Variants in MRC2 observed in about 807,000 individuals in gnomAD.
MRC2 encodes mannose receptor C-type 2.
In MRC2, 84 loss-of-function variants were observed where a neutral mutation model predicts 206.2. The ratio of observed to expected loss-of-function variants is 0.41; its 90% CI spans 0.34 to 0.49. The LOEUF is 0.49. Ranked by LOEUF, MRC2 falls within the 20% of genes least tolerant of loss-of-function variation. The probability of loss-of-function intolerance (pLI) is 0.31; values close to 1 mark genes in which losing one functional copy is unlikely to be tolerated. For missense variants in MRC2, 1,676 were observed against 2,001.5 expected (o/e 0.84, Z 3.10); for synonymous variants, 798 against 800.0 (o/e 1.00, Z 0.04).
intron 20 of MRC2, among the ~76,000 whole-genome samples, chr17:62,685,390 A>G (rs2089020380): frequency 6.6e-6 from 1 of 152,124 alleles, no homozygotes; most frequent in African/African-American, 2.4e-5. Context: ...TATTTTGAGC[A>G]TCTCTCATGT....
intron 1 of MRC2, among the ~76,000 whole-genome samples, chr17:62,639,195 G>T (rs1411745600): frequency 1.3e-5 from 2 of 152,110 alleles, no homozygotes; most frequent in Non-Finnish European, 2.9e-5. Context: ...AAGTAGCTGG[G>T]CGTGGTGGCA....
intron 1 of MRC2, among the ~76,000 whole-genome samples, chr17:62,662,233 G>A (rs181447054): frequency 6.6e-6 from 1 of 150,648 alleles, no homozygotes; most frequent in Non-Finnish European, 1.5e-5. Context: ...CTGGGTGACA[G>A]AGCGGGACTC....
rs2088968902 is a variant in MRC2 at position 62,681,764 on chromosome 17, C to T, written c.2703-73C>T. The T allele has an allele frequency of 2.4e-6, 3 of 1,229,760 alleles. No individual in the cohort carries two copies. The Admixed American group carries it at 6.1e-5, about 25-fold the overall frequency. 76.2% of individuals were successfully genotyped at this position (1,229,760 alleles called of 1,614,324 possible). On this transcript the variant is annotated intron_variant, in intron 18 of 29. Transcript: ENST00000303375. ...CCTTCCCTGCCCCCATTCCTGCGGC[C>T]TTCATTGCTGCATCCGGTGGAGGCC...
intron 14 of MRC2, 41 bp downstream of exon 14, chr17:62,679,943 C>G (rs1426691779): frequency 7.5e-7 from 1 of 1,329,486 alleles, no homozygotes. Context: ...AGGCCGGGAG[C>G]TTGGTGGGCG....
Position 62,678,543 on chromosome 17 carries a change from G to A in MRC2, c.2092G>A (p.Val698Ile). 1 of 1,611,830 alleles carries A rather than the reference G, an allele frequency of 6.2e-7. No homozygotes were observed. Among genetic ancestry groups the A allele is most frequent in the East Asian group, 2.2e-5 (1 of 44,812 alleles). ...SERLQDKKSWVQAQGACQELG... is the reference protein window; with the variant it reads ...SERLQDKKSWIQAQGACQELG... ...GCGGCTGCAGGACAAGAAGAGCTGG[G>A]TCCAGGCCCAGGGGGCCTGCCAGGA... is the stretch of plus-strand genomic sequence containing the variant. The change falls in exon 13 of 30, where the codon GTC becomes ATC. Residue 698 changes from valine (V) to isoleucine (I), a missense_variant. By Grantham distance (29) the Val-to-Ile change is conservative (BLOSUM62 3). Transcript: ENST00000303375.
At chr17:62,655,945 A>G (rs2088614445) in intron 1 of MRC2, among the ~76,000 whole-genome samples, 1 of 151,188 alleles carries the variant, frequency 6.6e-6, no homozygotes, top group Non-Finnish European at 1.5e-5. Flanking sequence ...GCTGGAATGC[A>G]GTGGCGTGAT....
rs768582742 is a variant in MRC2 at position 62,688,912 on chromosome 17, C to T, written c.3286C>T (p.Arg1096Trp). 4 of 1,613,710 alleles carry T rather than the reference C, an allele frequency of 2.5e-6. No homozygotes were observed. In the Admixed American group the frequency reaches 5.0e-5, roughly 20 times the overall value. The change falls in exon 23 of 30, where the codon CGG (arginine) becomes TGG (tryptophan). Residue 1096 changes from arginine to tryptophan, a missense_variant. By Grantham distance (101) the Arg-to-Trp change is moderately radical (BLOSUM62 -3). Coordinates refer to ENST00000303375, the MANE Select transcript of MRC2 (RefSeq NM_006039.5). ...CCACTTCACTGGCCGCTGGGACGAT[C>T]GGAGCTGCACGGAGGAGACCCATGG... ...SAHFTGRWDD[R>W]SCTEETHGFI...
chr17:62,637,065 C>G (rs2088331509), intron 1 of MRC2, among the ~76,000 whole-genome samples: 2 of 151,980 alleles, frequency 1.3e-5, no homozygotes, highest in Non-Finnish European at 1.5e-5. Flanking sequence ...TGTAAACTTT[C>G]TGAATTTAGA....
Position 62,674,166 on chromosome 17 carries a change from G to A in MRC2, c.1565G>A (p.Arg522Gln), listed in dbSNP as rs201943939. 93 of 1,546,868 alleles carry A rather than the reference G, an allele frequency of 6.0e-5. No individual in the cohort carries two copies. The highest frequency in any genetic ancestry group is 9.6e-5 in the South Asian group (8 of 83,724). The change falls in exon 9 of 30, where the codon CGG becomes CAG. Residue 522 changes from arginine to glutamine, a missense_variant. Physicochemically the swap from Arg to Gln is conservative, Grantham distance 43. This residue lies in a region of MRC2 where 1,354 missense variants were observed against 1,636.6 expected (regional missense o/e 0.83). Coordinates refer to ENST00000303375, the MANE Select transcript of MRC2 (RefSeq NM_006039.5). ...GCCGCCGAGGAGGACCATGGCTGCCGGAAGGTGAGGGTGTTTCTGGAGCTG... is the reference window on the plus strand; with the variant it reads ...GCCGCCGAGGAGGACCATGGCTGCCAGAAGGTGAGGGTGTTTCTGGAGCTG... Reference protein sequence around the residue: ...QGAAEEDHGCRKGWTWHSPSC... With the variant: ...QGAAEEDHGCQKGWTWHSPSC...
chr17:62,689,292 G>A, intron 23 of MRC2: 1 of 578,310 alleles, frequency 1.7e-6, no homozygotes, highest in Non-Finnish European at 3.1e-6. Context: ...CTCTGCGCCG[G>A]GTTCCTTGGG....
intron 2 of MRC2, among the ~76,000 whole-genome samples, chr17:62,665,183 T>C (rs1039416002): frequency 2.6e-5 from 4 of 152,160 alleles, no homozygotes; most frequent in African/African-American, 9.7e-5. Flanking sequence ...GTGGATCACT[T>C]GAGGTCAGGA....
chr17:62,638,396 GA>G (rs1351864035), intron 1 of MRC2, among the ~76,000 whole-genome samples: 2 of 152,056 alleles, frequency 1.3e-5, no homozygotes, highest in Admixed American at 6.6e-5. Context: ...AATAATGTGA[GA>G]CACACCAGAA....
chr17:62,681,527 A>G (rs142249518), intron 18 of MRC2: 4,891 of 451,236 alleles, frequency 0.011, 221 homozygotes, highest in South Asian at 0.093. Context: ...TGAGGCAGGA[A>G]GGACCAGGAG....
intron 10 of MRC2, 106 bp from the exon 11 acceptor site, chr17:62,676,277 T>G: frequency 1.4e-6 from 2 of 1,408,140 alleles, no homozygotes; most frequent in Non-Finnish European, 1.9e-6. Flanking sequence ...TTGAGCAAGT[T>G]ATTGGTCGGG....
At chr17:62,682,030 C>T in intron 19 of MRC2, 93 bp downstream of exon 19, 1 of 1,225,002 alleles carries the variant, frequency 8.2e-7, no homozygotes, top group Non-Finnish European at 1.1e-6. Context: ...TGTTCTCATT[C>T]TCTTTGTTCC....
intron 28 of MRC2, among the ~76,000 whole-genome samples, 165 bp downstream of exon 28, chr17:62,691,293 G>A (rs2089108952): frequency 6.6e-6 from 1 of 152,224 alleles, no homozygotes; most frequent in Non-Finnish European, 1.5e-5. Context: ...TAGTCAGTGG[G>A]ATGGACTGGA....
chr17:62,675,700 C>A lies in MRC2; in HGVS notation c.1570-90C>A. 9.8e-7 allele frequency: 1 copy of A among 1,025,092 alleles called. No individual in the cohort carries two copies. The highest frequency in any genetic ancestry group is 1.5e-6 in the Non-Finnish European group (1 of 655,862). 63.5% of individuals were successfully genotyped at this position (1,025,092 alleles called of 1,614,324 possible). On this transcript the variant is annotated intron_variant, in intron 9 of 29. Coordinates refer to ENST00000303375, the MANE Select transcript of MRC2 (RefSeq NM_006039.5). The surrounding 1 kb of genome is among the most constrained non-coding windows in gnomAD (Gnocchi z 4.1). ...GTCCTGAGCACGTTCAGTGATGTCC[C>A]TGATGGCATCTCCCACCACAGGATT... is the stretch of plus-strand genomic sequence containing the variant.
intron 1 of MRC2, among the ~76,000 whole-genome samples, chr17:62,636,338 C>T (rs2088318341): frequency 6.6e-6 from 1 of 151,964 alleles, no homozygotes; most frequent in African/African-American, 2.4e-5. Flanking sequence ...AGTCCACTCC[C>T]TTACACTACA....
chr17:62,679,526 G>A, intron 13 of MRC2: 1 of 291,984 alleles, frequency 3.4e-6, no homozygotes, highest in Non-Finnish European at 6.4e-6. Context: ...GCTGGACAGG[G>A]CACCCCCACC....
Sources: gnomAD v4.1 joint callset for allele counts (sites outside exome capture counted in the v4.1 genomes callset) on GRCh38, gnomAD v4.1.1 for gene constraint, gnomAD v4.1.1 regional missense constraint, Gnocchi (gnomAD v3.1) non-coding constraint, MANE v1.5 for transcripts, NCBI Gene and HGNC (gene_info 2026-07-23, HGNC 2026-07-21) for gene names.